The following TNNI3K variants were observed in gnomAD, a reference collection of about 807,000 sequenced individuals.
TNNI3K encodes the protein TNNI3 interacting kinase.
A neutral mutation model predicts 114.5 loss-of-function variants in TNNI3K; 140 were observed. That is an observed-to-expected ratio of 1.22 (90% CI 1.07 to 1.41). The LOEUF (loss-of-function observed/expected upper bound fraction) is 1.41, where lower values mean the gene tolerates loss of function less well. Among genes scored for constraint, TNNI3K ranks in the 40% most tolerant of loss-of-function variants. The pLI is 0.00. For synonymous variants in TNNI3K, 347 were observed against 347.5 expected, an observed-to-expected ratio of 1.00 and a Z score of 0.02; for missense variants, 1,125 against 1,007.6, an observed-to-expected ratio of 1.12 and a Z score of -1.58.
intron 21 of TNNI3K, among the ~76,000 whole-genome samples, chr1:74,486,048 T>C (rs1668742263): frequency 6.6e-6 from 1 of 152,142 alleles, no homozygotes; most frequent in Admixed American, 6.6e-5. Flanking sequence ...TTGTTTTAAA[T>C]CACTAGGTTT....
At chr1:74,237,193 T>G (rs1460923275) in intron 2 of TNNI3K, among the ~76,000 whole-genome samples, 1 of 151,962 alleles carries the variant, frequency 6.6e-6, no homozygotes, top group African/African-American at 2.4e-5. Context: ...CAAAAAGTAG[T>G]TGGTTCTCTT....
intron 10 of TNNI3K, 68 bp downstream of exon 10, chr1:74,353,428 A>G: frequency 6.4e-7 from 1 of 1,568,598 alleles, no homozygotes; most frequent in Non-Finnish European, 8.7e-7. Context: ...TGGTATGCAA[A>G]GGGATGTGGG....
At chr1:74,324,139 A>G (rs1659772691) in intron 5 of TNNI3K, among the ~76,000 whole-genome samples, 1 of 152,234 alleles carries the variant, frequency 6.6e-6, no homozygotes, top group Non-Finnish European at 1.5e-5. Context: ...CTACTTCTTT[A>G]TCTTGGCAGA....
At chr1:74,515,229 G>A (rs1299289053) in intron 23 of TNNI3K, among the ~76,000 whole-genome samples, 1 of 152,142 alleles carries the variant, frequency 6.6e-6, no homozygotes, top group Non-Finnish European at 1.5e-5. Context: ...TGAATACAGA[G>A]GATGACATAA....
rs1422605486 is a variant in TNNI3K, at chr1:74,351,548, A to AC, written c.933-1718_933-1717insC. 2.6e-5 allele frequency among the ~76,000 whole-genome samples: 4 copies of AC among 152,216 alleles called. No homozygotes were observed. The East Asian group carries it at 7.7e-4, about 29-fold the overall frequency. The stretch of plus-strand genomic sequence containing the variant: ...GATTGGGGAAGTTCTCCTGGATAAT[A>AC]TCCTGCAGAGTGTTTTCCAACTTGG... On this transcript the variant is annotated intron_variant, in intron 9 of 24. Coordinates refer to ENST00000326637, the MANE Select transcript of TNNI3K (RefSeq NM_015978.3).
intron 4 of TNNI3K, among the ~76,000 whole-genome samples, chr1:74,256,283 CTTTTTTTTTTTTTTTTTTTTT>C (rs61636791): frequency 2.3e-5 from 1 of 42,780 alleles, no homozygotes; most frequent in East Asian, 7.9e-4. Flanking sequence ...TGTGGTCAGT[CTTTTTTTTTTTTTTTTTTTTT>C]TTTTTTTTTT....
chr1:74,331,681 C>G (rs1232003660), intron 6 of TNNI3K, 133 bp downstream of exon 6: 1 of 696,796 alleles, frequency 1.4e-6, no homozygotes, highest in South Asian at 3.1e-5. Flanking sequence ...ATCAACCCAT[C>G]CTTGAGGAGC....
rs77172381 is a variant in TNNI3K at position 74,407,433 on chromosome 1, A to G, written c.1773-28647A>G. On this transcript the variant is annotated intron_variant, in intron 17 of 24. Transcript: ENST00000326637. ...ATAGAAGTTATCAATAGAAAATTAAATTAGCATTAAATTATACAAACGTTT... is the reference window on the plus strand; with the variant it reads ...ATAGAAGTTATCAATAGAAAATTAAGTTAGCATTAAATTATACAAACGTTT... Among the ~76,000 whole-genome samples, 1,470 of 152,242 alleles carry G rather than the reference A, an allele frequency of 9.7e-3. 28 individuals carry two copies. Among genetic ancestry groups the G allele is most frequent in the East Asian group, 0.092 (476 of 5,176 alleles).
chr1:74,393,512 G>A (rs1194610861), intron 17 of TNNI3K, among the ~76,000 whole-genome samples: 1 of 152,156 alleles, frequency 6.6e-6, no homozygotes, highest in African/African-American at 2.4e-5. Context: ...ACTAGAAATA[G>A]AAATTAATTT....
chr1:74,525,585 C>T (rs943180408), intron 23 of TNNI3K, among the ~76,000 whole-genome samples: 26 of 152,278 alleles, frequency 1.7e-4, no homozygotes, highest in African/African-American at 6.3e-4. Flanking sequence ...AAACTCTGTG[C>T]CCAAATGCCA....
chr1:74,443,370 A>C (rs1422144694), intron 20 of TNNI3K, among the ~76,000 whole-genome samples: 8 of 152,192 alleles, frequency 5.3e-5, no homozygotes. Flanking sequence ...ACCAGAGAAT[A>C]CTATAAACAC....
intron 6 of TNNI3K, among the ~76,000 whole-genome samples, chr1:74,335,712 A>G (rs898076858): frequency 2.6e-5 from 4 of 152,154 alleles, no homozygotes; most frequent in African/African-American, 9.7e-5. Flanking sequence ...GGTAGAGGTC[A>G]TCTCCTGCTC....
intron 4 of TNNI3K, among the ~76,000 whole-genome samples, chr1:74,262,116 C>T (rs1341510023): frequency 6.6e-6 from 1 of 152,018 alleles, no homozygotes; most frequent in African/African-American, 2.4e-5. Context: ...TTTCAACTAT[C>T]CTGAAACTAA....
At chr1:74,437,698 A>T (rs1219473335) in intron 19 of TNNI3K, among the ~76,000 whole-genome samples, 1 of 151,916 alleles carries the variant, frequency 6.6e-6, no homozygotes, top group Non-Finnish European at 1.5e-5. Flanking sequence ...ACAATAAGTG[A>T]TCTTTTGGCA....
chr1:74,271,956 TCA>T (rs891096935), intron 5 of TNNI3K, among the ~76,000 whole-genome samples: 7 of 151,928 alleles, frequency 4.6e-5, no homozygotes, highest in African/African-American at 1.7e-4. Context: ...TTATAGCAGC[TCA>T]GTTTCCACAA....
chr1:74,369,141 A>G, intron 14 of TNNI3K, 27 bp downstream of exon 14: 2 of 1,597,954 alleles, frequency 1.3e-6, no homozygotes, highest in Admixed American at 1.7e-5. Context: ...AAATAAATAA[A>G]GGTCCGGTTT....
intron 21 of TNNI3K, among the ~76,000 whole-genome samples, chr1:74,486,538 G>A (rs1198444344): frequency 1.3e-5 from 2 of 149,040 alleles, no homozygotes. Context: ...CAAGCAGAAG[G>A]ATGGAGTTTC....
chr1:74,335,987 A>T, intron 6 of TNNI3K, 24 bp from the exon 7 acceptor site: 2 of 1,550,956 alleles, frequency 1.3e-6, no homozygotes, highest in Non-Finnish European at 1.7e-6. Flanking sequence ...TTTTATACTG[A>T]TTTCAAATGA....
intron 17 of TNNI3K, among the ~76,000 whole-genome samples, chr1:74,382,996 G>A (rs1663278388): frequency 6.6e-6 from 1 of 152,004 alleles, no homozygotes; most frequent in South Asian, 2.1e-4. Context: ...ACAGCCTCTG[G>A]CAGACCTCCT....
Sources: gnomAD v4.1 joint callset for allele counts (sites outside exome capture counted in the v4.1 genomes callset) on GRCh38, gnomAD v4.1.1 for gene constraint, MANE v1.5 for transcripts, NCBI Gene and HGNC (gene_info 2026-07-23, HGNC 2026-07-21) for gene names.